Variants in ZNF516 observed in about 807,000 individuals in gnomAD.
ZNF516 encodes zinc finger protein 516.
ZNF516 carries 19 observed loss-of-function variants against 79.7 expected under a neutral mutation model. The ratio of observed to expected loss-of-function variants is 0.24; its 90% CI spans 0.17 to 0.35. The LOEUF (loss-of-function observed/expected upper bound fraction) is 0.35, where lower values mean the gene tolerates loss of function less well. Ranked by LOEUF, ZNF516 falls within the 10% of genes least tolerant of loss-of-function variation. The pLI, the probability that ZNF516 is intolerant of heterozygous loss-of-function variation, is 1.00. For missense variants in ZNF516, 1,678 were observed against 1,679.5 expected, an observed-to-expected ratio of 1.00 and a Z score of 0.02; for synonymous variants, 877 against 739.5, an observed-to-expected ratio of 1.19 and a Z score of -3.02.
chr18:76,492,649 G>A (rs1915300914), intron 1 of ZNF516: 1 of 909,830 alleles, frequency 1.1e-6, no homozygotes. Context: ...AACCAAAAAC[G>A]CACCAGGGCG....
At chr18:76,462,963 G>C (rs1005092637) in intron 2 of ZNF516, 65 bp downstream of exon 2, 15 of 152,320 alleles carry the variant, frequency 9.8e-5, no homozygotes, top group African/African-American at 3.6e-4. Context: ...AAGCTTGATT[G>C]AAATTCCAGG....
At position 76,442,129 on chromosome 18, in the gene ZNF516, T is replaced by C. The variant is rs369513283; in HGVS notation, c.926A>G (p.Lys309Arg). Reference protein sequence around the residue: ...GPKTGSKNRPKSELDPIATIN... With the variant: ...GPKTGSKNRPRSELDPIATIN... ...GGTGGCGATGGGGTCCAGCTCACTC[T>C]TGGGCCTGTTCTTGCTGCCCGTCTT... The change falls in exon 3 of 7, where the codon AAG (lysine) becomes AGG (arginine). Residue 309 changes from lysine to arginine, a missense_variant. This residue lies in a region of ZNF516 where 1,294 missense variants were observed against 1,248.3 expected (regional missense o/e 1.04). Coordinates refer to ENST00000443185, the MANE Select transcript of ZNF516 (RefSeq NM_014643.4). 5 of 1,614,012 alleles carry C rather than the reference T, an allele frequency of 3.1e-6. No homozygotes were observed. The highest frequency in any genetic ancestry group is 2.2e-5 in the East Asian group (1 of 44,880).
chr18:76,406,073 G>A lies in ZNF516; in HGVS notation c.1811-25770C>T, dbSNP rs1275702075. On this transcript the variant is annotated intron_variant, in intron 3 of 6. Transcript: ENST00000443185. ...TCATCAGACGACAGCGCACGCAGGT[G>A]AGGGGCCTCCTTCAGGGCAGATGGC... 2.0e-5 allele frequency among the ~76,000 whole-genome samples: 3 copies of A among 152,192 alleles called. No individual in the cohort carries two copies. The East Asian group carries it at 5.8e-4, about 30-fold the overall frequency.
At chr18:76,388,203 A>G (rs1166350933) in intron 3 of ZNF516, 1 of 152,224 alleles carries the variant, frequency 6.6e-6, no homozygotes, top group African/African-American at 2.4e-5. Flanking sequence ...CAAAGCCTGT[A>G]TGACCCGATT....
intron 3 of ZNF516, chr18:76,387,011 A>G (rs2075003202): frequency 6.6e-6 from 1 of 152,202 alleles, no homozygotes; most frequent in Admixed American, 6.5e-5. Context: ...GGCTGACCGG[A>G]CACCTGCTGC....
chr18:76,437,948 G>A (rs929199656), intron 3 of ZNF516, among the ~76,000 whole-genome samples: 2 of 152,162 alleles, frequency 1.3e-5, no homozygotes, highest in African/African-American at 2.4e-5. Flanking sequence ...CTATTGAGTC[G>A]CAGTGAGTAT....
chr18:76,367,805 G>A (rs1243852679), intron 6 of ZNF516, among the ~76,000 whole-genome samples: 5 of 152,190 alleles, frequency 3.3e-5, no homozygotes, highest in Non-Finnish European at 7.3e-5. Context: ...GCAGTGGGTG[G>A]TCAATAAATA....
At chr18:76,433,949 C>T (rs189105499) in intron 3 of ZNF516, among the ~76,000 whole-genome samples, 5 of 152,282 alleles carry the variant, frequency 3.3e-5, no homozygotes, top group African/African-American at 9.6e-5. Context: ...CTCTCCTGGC[C>T]GGGAAACCCC....
At chr18:76,437,087 C>CACACACACACACACACACACACACACAT (rs1429590211) in intron 3 of ZNF516, among the ~76,000 whole-genome samples, 1 of 146,924 alleles carries the variant, frequency 6.8e-6, no homozygotes, top group African/African-American at 2.5e-5. Context: ...CACACACACA[C>CACACACACACACACACACACACACACAT]ACACACACAC....
At chr18:76,483,310 T>C (rs1245565374) in intron 1 of ZNF516, among the ~76,000 whole-genome samples, 7 of 152,090 alleles carry the variant, frequency 4.6e-5, no homozygotes, top group Non-Finnish European at 8.8e-5. Context: ...ATGCACACTT[T>C]CCTGGGTTCA....
At position 76,379,162 on chromosome 18, in the gene ZNF516, A is replaced by G. The variant is rs756530527; in HGVS notation, c.2952T>C (p.Gly984=). Residue 984 remains glycine, a synonymous_variant, in exon 4 of 7, where the codon GGT becomes GGC. Coordinates refer to ENST00000443185, the MANE Select transcript of ZNF516 (RefSeq NM_014643.4). The stretch of plus-strand genomic sequence containing the variant: ...CCCCTTCGCCCTTTGCAGGAGGTGG[A>G]CCCTGAGGCTGAGCACTGAATTTGG... ...LKAKFSAQPQ[G]PPPAKGEGGA... The G allele has an allele frequency of 1.8e-5, 29 of 1,612,814 alleles. No homozygotes were observed. In the Admixed American group the frequency reaches 4.8e-4, roughly 27 times the overall value.
At chr18:76,469,348 C>T (rs1042795579) in intron 1 of ZNF516, among the ~76,000 whole-genome samples, 1 of 152,102 alleles carries the variant, frequency 6.6e-6, no homozygotes. Context: ...ATTTAGAGGG[C>T]TTTTTAAAAA....
chr18:76,480,524 C>CACATATATATAT lies in ZNF516; in HGVS notation c.-272+14619_-272+14620insATATATATATGT, dbSNP rs1267997459. Among the ~76,000 whole-genome samples, 13 of 116,466 alleles carry CACATATATATAT rather than the reference C, an allele frequency of 1.1e-4. No individual in the cohort carries two copies. The South Asian group carries it at 1.3e-3, about 12-fold the overall frequency. 76.4% of individuals were successfully genotyped at this position (116,466 alleles called of 152,430 possible). A position where few individuals can be genotyped will look rare whatever the true frequency, so the allele number is the denominator to read the frequency against. ...ACACACACACACACACACACACACA[C>CACATATATATAT]ATATATTTTTTTTTTTGAGACGGAG... is the stretch of plus-strand genomic sequence containing the variant. On this transcript the variant is annotated intron_variant, in intron 1 of 6. Coordinates refer to ENST00000443185, the MANE Select transcript of ZNF516 (RefSeq NM_014643.4).
Position 76,468,510 on chromosome 18 carries a change from G to A in ZNF516, c.-271-5369C>T, listed in dbSNP as rs182920251. On this transcript the variant is annotated intron_variant, in intron 1 of 6. Coordinates refer to ENST00000443185, the MANE Select transcript of ZNF516 (RefSeq NM_014643.4). ...TGGCTCACTGCAACCTCGGCCTTCC[G>A]GGCTCAAGCGATCCTCCCACCTTGG... Among the ~76,000 whole-genome samples the A allele has an allele frequency of 2.8e-4, 42 of 149,474 alleles. No homozygotes were observed. In the East Asian group the frequency reaches 4.2e-3, roughly 15 times the overall value.
intron 2 of ZNF516, among the ~76,000 whole-genome samples, chr18:76,460,839 G>A (rs916861888): frequency 1.3e-5 from 2 of 152,176 alleles, no homozygotes; most frequent in Admixed American, 6.5e-5. Flanking sequence ...TGTTCATGGC[G>A]GGTAATTACT....
intron 4 of ZNF516, among the ~76,000 whole-genome samples, chr18:76,375,883 G>A (rs1304822227): frequency 6.6e-6 from 1 of 151,320 alleles, no homozygotes; most frequent in East Asian, 2.0e-4. Flanking sequence ...GGACACAGAA[G>A]GTCCTGGGGA....
At chr18:76,415,800 T>G (rs887903932) in intron 3 of ZNF516, among the ~76,000 whole-genome samples, 9 of 152,196 alleles carry the variant, frequency 5.9e-5, no homozygotes, top group Non-Finnish European at 1.2e-4. Context: ...TGATTCAGGA[T>G]AAGTCTGCAC....
chr18:76,461,837 A>G (rs915861534), intron 2 of ZNF516, among the ~76,000 whole-genome samples: 26 of 152,324 alleles, frequency 1.7e-4, no homozygotes, highest in African/African-American at 6.0e-4. Flanking sequence ...GTATCCCCCG[A>G]GTGCCCGCCA....
rs551398681 is a variant in ZNF516, at chr18:76,462,983, C to G, written c.-158+45G>C. The G allele has an allele frequency of 2.0e-5, 3 of 152,238 alleles. No individual in the cohort carries two copies. The East Asian group carries it at 5.8e-4, about 29-fold the overall frequency. The allele number at this position is 152,238 out of a possible 1,614,324, so 9.4% of individuals were successfully genotyped here. On this transcript the variant is annotated intron_variant, in intron 2 of 6. Transcript: ENST00000443185. ...TGATTGAAATTCCAGGTTTGTGAAA[C>G]AGAAGTCAGACGGATTGACAGGAAG...
Sources: gnomAD v4.1 joint callset for allele counts (sites outside exome capture counted in the v4.1 genomes callset) on GRCh38, gnomAD v4.1.1 for gene constraint, gnomAD v4.1.1 regional missense constraint, MANE v1.5 for transcripts, NCBI Gene and HGNC (gene_info 2026-07-23, HGNC 2026-07-21) for gene names.